ANTXR2: variants seen among roughly 807,000 people sequenced by gnomAD.
ANTXR2 encodes the protein ANTXR cell adhesion molecule 2, also known as anthrax toxin receptor 2.
ANTXR2 carries 44 observed loss-of-function variants against 73.7 expected under a neutral mutation model. The ratio of observed to expected loss-of-function variants is 0.60; its 90% CI spans 0.47 to 0.77. The LOEUF is 0.77. ANTXR2 is among the 30% of genes least tolerant of loss of function. The pLI is 0.00. For missense variants in ANTXR2, 604 were observed against 592.5 expected, an observed-to-expected ratio of 1.02 and a Z score of -0.20; for synonymous variants, 217 against 205.9, an observed-to-expected ratio of 1.05 and a Z score of -0.46.
intron 16 of ANTXR2, among the ~76,000 whole-genome samples, chr4:79,917,100 G>A (rs1021162975): frequency 2.0e-5 from 3 of 152,158 alleles, no homozygotes; most frequent in Non-Finnish European, 4.4e-5. Flanking sequence ...AGTGCAAGGC[G>A]GAGGCCTGCC....
intron 16 of ANTXR2, among the ~76,000 whole-genome samples, chr4:79,958,511 T>C (rs771131854): frequency 2.0e-5 from 3 of 152,108 alleles, no homozygotes; most frequent in Non-Finnish European, 4.4e-5. Flanking sequence ...TTTTCTCCAA[T>C]GTAACACTTC....
chr4:79,946,096 A>C (rs1476426901), intron 16 of ANTXR2, among the ~76,000 whole-genome samples: 1 of 152,162 alleles, frequency 6.6e-6, no homozygotes, highest in African/African-American at 2.4e-5. Flanking sequence ...TTTAATCTTC[A>C]AACAACCACA....
intron 7 of ANTXR2, among the ~76,000 whole-genome samples, chr4:80,042,701 T>A (rs1032294114): frequency 6.6e-6 from 1 of 152,038 alleles, no homozygotes; most frequent in African/African-American, 2.4e-5. Flanking sequence ...TGTTAAGCTA[T>A]GAAAAATAAC....
At chr4:79,980,603 T>C (rs1431174914) in intron 14 of ANTXR2, among the ~76,000 whole-genome samples, 1 of 152,116 alleles carries the variant, frequency 6.6e-6, no homozygotes, top group East Asian at 1.9e-4. Context: ...GTTATATCAT[T>C]GAGGAGCAAT....
At chr4:79,953,111 G>A (rs1015005357) in intron 16 of ANTXR2, among the ~76,000 whole-genome samples, 3 of 152,044 alleles carry the variant, frequency 2.0e-5, no homozygotes. Context: ...GACTGAAGAG[G>A]AGGCCGACCT....
At chr4:80,008,696 A>G in intron 11 of ANTXR2, 80 bp from the exon 12 acceptor site, 1 of 806,104 alleles carries the variant, frequency 1.2e-6, no homozygotes, top group Non-Finnish European at 1.9e-6. Flanking sequence ...TTTTAAGGAA[A>G]CACCAGAAAA....
chr4:80,050,329 G>A (rs2110102850), intron 7 of ANTXR2, among the ~76,000 whole-genome samples: 1 of 151,670 alleles, frequency 6.6e-6, no homozygotes, highest in East Asian at 2.0e-4. Context: ...AATCCTTGTT[G>A]TCATGACTCA....
At chr4:80,033,359 C>A in intron 9 of ANTXR2, 113 bp downstream of exon 9, 3 of 704,860 alleles carry the variant, frequency 4.3e-6, no homozygotes, top group Middle Eastern at 4.9e-4. Context: ...TCATTTCTTT[C>A]TTCTTAGATT....
intron 12 of ANTXR2, among the ~76,000 whole-genome samples, chr4:79,989,729 CT>C (rs1382954797): frequency 1.3e-5 from 2 of 152,154 alleles, no homozygotes; most frequent in African/African-American, 4.8e-5. Flanking sequence ...CCCAAAAATC[CT>C]CAACAAAATA....
At chr4:80,065,413 G>A (rs1466503519) in intron 3 of ANTXR2, among the ~76,000 whole-genome samples, 1 of 151,888 alleles carries the variant, frequency 6.6e-6, no homozygotes, top group Non-Finnish European at 1.5e-5. Context: ...ACTTATCTTT[G>A]TGTTACCCCA....
chr4:80,051,962 A>T (rs1482897567), intron 7 of ANTXR2, among the ~76,000 whole-genome samples: 1 of 151,590 alleles, frequency 6.6e-6, no homozygotes, highest in Non-Finnish European at 1.5e-5. Context: ...AACAATAAAA[A>T]CCATGTTGTC....
chr4:80,069,495 T>A lies in ANTXR2; in HGVS notation c.237A>T (p.Arg79Ser), dbSNP rs772872372. 7.5e-6 allele frequency: 12 copies of A among 1,602,056 alleles called. No homozygotes were observed. The South Asian group carries it at 1.0e-4, about 14-fold the overall frequency. The change falls in exon 3 of 17, where the codon AGA becomes AGT. Residue 79 changes from arginine (R) to serine (S), a missense_variant. Arg to Ser is a moderately radical substitution (Grantham distance 110). Coordinates refer to ENST00000403729, the MANE Select transcript of ANTXR2 (RefSeq NM_058172.6). Reference protein sequence around the residue: ...LAERFVSPEMRLSFIVFSSQA... With the variant: ...LAERFVSPEMSLSFIVFSSQA... ...GAGAAGAAAACACAATGAAAGATAATCTCATTTCAGGGCTGCAAAATAAGA... is the reference window on the plus strand; with the variant it reads ...GAGAAGAAAACACAATGAAAGATAAACTCATTTCAGGGCTGCAAAATAAGA...
intron 16 of ANTXR2, among the ~76,000 whole-genome samples, chr4:79,917,304 T>C (rs1168523058): frequency 6.6e-6 from 1 of 151,812 alleles, no homozygotes; most frequent in Non-Finnish European, 1.5e-5. Flanking sequence ...GTTTGGGACA[T>C]GGCAAGAGGA....
chr4:79,954,546 G>A (rs1488094481), intron 16 of ANTXR2, among the ~76,000 whole-genome samples: 2 of 152,044 alleles, frequency 1.3e-5, no homozygotes, highest in Non-Finnish European at 2.9e-5. Flanking sequence ...GGAGTTCAAG[G>A]CTGCAATGAG....
At chr4:79,929,420 G>A (rs1247996654) in intron 16 of ANTXR2, among the ~76,000 whole-genome samples, 1 of 152,118 alleles carries the variant, frequency 6.6e-6, no homozygotes, top group Non-Finnish European at 1.5e-5. Context: ...GGCTGAGGCA[G>A]AGAATTGCTT....
intron 12 of ANTXR2, among the ~76,000 whole-genome samples, chr4:79,985,210 C>T (rs1370990854): frequency 5.3e-5 from 8 of 151,640 alleles, no homozygotes; most frequent in African/African-American, 9.7e-5. Context: ...ATTAGCCGGG[C>T]GTGGTGGCGG....
chr4:80,043,063 A>G (rs1186517806), intron 7 of ANTXR2, among the ~76,000 whole-genome samples: 1 of 152,020 alleles, frequency 6.6e-6, no homozygotes, highest in Non-Finnish European at 1.5e-5. Context: ...GTTCACAAGC[A>G]TGGGGGAGAG....
chr4:80,051,058 C>T (rs1733750795), intron 7 of ANTXR2, among the ~76,000 whole-genome samples: 2 of 151,664 alleles, frequency 1.3e-5, no homozygotes, highest in South Asian at 2.1e-4. Flanking sequence ...TCTTGAAGTT[C>T]TGTGCTCTTT....
Position 80,026,591 on chromosome 4 carries a change from T to TAATTATCTACTAAATAATTTAGTAG in ANTXR2, c.866+5007_866+5031dup, listed in dbSNP as rs549877134. Among the ~76,000 whole-genome samples, 47 of 152,282 alleles carry TAATTATCTACTAAATAATTTAGTAG rather than the reference T, an allele frequency of 3.1e-4. 1 individual carries two copies. The South Asian group carries it at 4.1e-3, about 13-fold the overall frequency. On this transcript the variant is annotated intron_variant, in intron 10 of 16. Transcript: ENST00000403729. The stretch of plus-strand genomic sequence containing the variant: ...CTTTAAATACTTTTCATTGTCCAAA[T>TAATTATCTACTAAATAATTTAGTAG]AATTATCTACTAAATAATTTAGTAG...
Sources: allele counts gnomAD v4.1 joint callset (sites outside exome capture counted in the v4.1 genomes callset), GRCh38; gene constraint gnomAD v4.1.1; transcripts MANE v1.5; gene names NCBI Gene and HGNC (gene_info 2026-07-23, HGNC 2026-07-21).